The following CACNA2D3 variants were observed in gnomAD, a reference collection of about 807,000 sequenced individuals.
CACNA2D3 encodes the protein voltage-dependent calcium channel subunit alpha-2/delta-3.
Under a neutral mutation model 160.6 loss-of-function variants are expected in CACNA2D3, and 60 were observed. The ratio of observed to expected loss-of-function variants is 0.37; its 90% CI spans 0.30 to 0.46. The LOEUF is 0.46. Among genes scored for constraint, CACNA2D3 ranks in the 20% least tolerant of loss-of-function variants. The pLI is 1.00. For missense variants in CACNA2D3, 1,205 were observed against 1,365.0 expected, an observed-to-expected ratio of 0.88 and a Z score of 1.85; for synonymous variants, 558 against 492.9, an observed-to-expected ratio of 1.13 and a Z score of -1.75.
chr3:54,976,717 C>T (rs919020115), intron 29 of CACNA2D3, among the ~76,000 whole-genome samples: 1 of 152,156 alleles, frequency 6.6e-6, no homozygotes, highest in Non-Finnish European at 1.5e-5. Context: ...GAGGCCACTC[C>T]CCTATTTTTG....
chr3:54,974,384 T>C (rs1323669186), intron 29 of CACNA2D3, among the ~76,000 whole-genome samples: 1 of 152,214 alleles, frequency 6.6e-6, no homozygotes, highest in Non-Finnish European at 1.5e-5. Flanking sequence ...CTCGGAGTGT[T>C]AGAAAGACTT....
At chr3:54,485,976 C>T (rs1701009639) in intron 4 of CACNA2D3, among the ~76,000 whole-genome samples, 1 of 152,186 alleles carries the variant, frequency 6.6e-6, no homozygotes, top group Non-Finnish European at 1.5e-5. Flanking sequence ...TGTCCTGTCC[C>T]TGCCCCCTGC....
At chr3:54,464,736 C>G (rs1295593648) in intron 4 of CACNA2D3, among the ~76,000 whole-genome samples, 1 of 152,256 alleles carries the variant, frequency 6.6e-6, no homozygotes, top group Non-Finnish European at 1.5e-5. Flanking sequence ...CTGAGTGAGG[C>G]AATGCCTCGC....
intron 5 of CACNA2D3, among the ~76,000 whole-genome samples, chr3:54,520,534 G>A (rs190417321): frequency 6.6e-6 from 1 of 152,352 alleles, no homozygotes; most frequent in East Asian, 1.9e-4. Flanking sequence ...GGTTGGAGCA[G>A]AGGCTCTCAT....
intron 35 of CACNA2D3, among the ~76,000 whole-genome samples, chr3:55,044,509 ATTC>A (rs1481465049): frequency 1.3e-5 from 2 of 152,142 alleles, no homozygotes; most frequent in Non-Finnish European, 1.5e-5. Context: ...ATCTTAGACT[ATTC>A]TATGTAGACA....
intron 2 of CACNA2D3, among the ~76,000 whole-genome samples, chr3:54,165,042 G>A (rs982736455): frequency 6.6e-6 from 1 of 151,276 alleles, no homozygotes; most frequent in Non-Finnish European, 1.5e-5. Flanking sequence ...AGAAAAGCTG[G>A]GTTTTAGCCC....
At chr3:54,596,037 G>C (rs917533191) in intron 9 of CACNA2D3, among the ~76,000 whole-genome samples, 9 of 152,082 alleles carry the variant, frequency 5.9e-5, no homozygotes, top group African/African-American at 2.2e-4. Flanking sequence ...GCAATTAGGT[G>C]GGGAGGGCGG....
chr3:54,750,210 A>G (rs1701832236), intron 11 of CACNA2D3, among the ~76,000 whole-genome samples: 1 of 152,230 alleles, frequency 6.6e-6, no homozygotes, highest in South Asian at 2.1e-4. Context: ...TCTAGACAGC[A>G]GAGGAGGCTG....
chr3:54,974,015 C>T (rs1360112700), intron 29 of CACNA2D3, among the ~76,000 whole-genome samples: 1 of 152,106 alleles, frequency 6.6e-6, no homozygotes, highest in Non-Finnish European at 1.5e-5. Context: ...ATGAAGACAA[C>T]AGGCAGTACA....
Position 54,386,712 on chromosome 3 carries a change from T to TTTTA in CACNA2D3, c.322-3_322-2insTTTA. On this transcript the variant is annotated splice_region_variant and splice_polypyrimidine_tract_variant and intron_variant, in intron 3 of 37. Transcript: ENST00000474759. Reference sequence around the variant, plus strand: ...GTCTTCTGTTTTTTTTTTTTTTTTTTAGCGTCTGGTGGAGGCTGCAGAAGA... The same window carrying TTTTA: ...GTCTTCTGTTTTTTTTTTTTTTTTTTTTTAAGCGTCTGGTGGAGGCTGCAGAAGA... The TTTTA allele has an allele frequency of 8.4e-6, 13 of 1,540,318 alleles. No individual in the cohort carries two copies. The highest frequency in any genetic ancestry group is 9.6e-6 in the Non-Finnish European group (11 of 1,148,140).
chr3:54,425,977 C>A (rs903125094), intron 4 of CACNA2D3, among the ~76,000 whole-genome samples: 9 of 152,328 alleles, frequency 5.9e-5, no homozygotes, highest in African/African-American at 1.9e-4. Context: ...GCCTCAGAGA[C>A]AGTAGCCACC....
chr3:54,978,559 A>G (rs1041088638), intron 29 of CACNA2D3, among the ~76,000 whole-genome samples: 1 of 152,258 alleles, frequency 6.6e-6, no homozygotes, highest in Non-Finnish European at 1.5e-5. Context: ...CTTGTCCAGC[A>G]TTTCTACACA....
intron 12 of CACNA2D3, among the ~76,000 whole-genome samples, chr3:54,760,341 G>A (rs989523097): frequency 2.0e-5 from 3 of 152,134 alleles, no homozygotes; most frequent in African/African-American, 7.2e-5. Context: ...GCCCTGAGGA[G>A]GGGAACGCAG....
At chr3:54,514,353 A>G (rs1701509879) in intron 5 of CACNA2D3, among the ~76,000 whole-genome samples, 1 of 152,202 alleles carries the variant, frequency 6.6e-6, no homozygotes, top group Non-Finnish European at 1.5e-5. Flanking sequence ...CAGAAAGTTC[A>G]CTGCAGTGTG....
intron 10 of CACNA2D3, among the ~76,000 whole-genome samples, chr3:54,640,374 A>G (rs995481866): frequency 2.0e-5 from 3 of 152,230 alleles, no homozygotes; most frequent in Non-Finnish European, 4.4e-5. Context: ...TGTGTTTCCC[A>G]TCTCGCAGCA....
intron 2 of CACNA2D3, among the ~76,000 whole-genome samples, chr3:54,150,793 G>C (rs1034860299): frequency 6.6e-5 from 10 of 152,160 alleles, no homozygotes; most frequent in African/African-American, 1.4e-4. Flanking sequence ...ATAACTCTTG[G>C]TGTAGCTGTG....
At chr3:54,670,673 C>T (rs1700143739) in intron 11 of CACNA2D3, among the ~76,000 whole-genome samples, 1 of 152,154 alleles carries the variant, frequency 6.6e-6, no homozygotes, top group Admixed American at 6.5e-5. Flanking sequence ...CTGTCAGGGT[C>T]CTGTTCTTTC....
chr3:54,844,595 A>T (rs1248234137), intron 16 of CACNA2D3, among the ~76,000 whole-genome samples: 1 of 152,012 alleles, frequency 6.6e-6, no homozygotes, highest in Non-Finnish European at 1.5e-5. Flanking sequence ...CCACCCCGCC[A>T]TATATTGTTA....
At chr3:54,342,540 A>G (rs983484776) in intron 3 of CACNA2D3, among the ~76,000 whole-genome samples, 9 of 152,090 alleles carry the variant, frequency 5.9e-5, no homozygotes, top group Non-Finnish European at 1.2e-4. Context: ...GTACAGTGTG[A>G]TTGGTGACTT....
Sources: allele counts gnomAD v4.1 joint callset (sites outside exome capture counted in the v4.1 genomes callset), GRCh38; gene constraint gnomAD v4.1.1; transcripts MANE v1.5; gene names NCBI Gene and HGNC (gene_info 2026-07-23, HGNC 2026-07-21).